Variants in GCLC observed in about 807,000 individuals in gnomAD.
The protein encoded by GCLC is glutamate-cysteine ligase catalytic subunit.
Under a neutral mutation model 81.5 loss-of-function variants are expected in GCLC, and 30 were observed. That is an observed-to-expected ratio of 0.37 (90% CI 0.28 to 0.50). The LOEUF is 0.50. Among genes scored for constraint, GCLC ranks in the 20% least tolerant of loss-of-function variants. GCLC has a pLI of 0.96. For missense variants in GCLC, 556 were observed against 777.4 expected, an observed-to-expected ratio of 0.72 and a Z score of 3.39; for synonymous variants, 262 against 273.3, an observed-to-expected ratio of 0.96 and a Z score of 0.41.
chr6:53,514,654 C>A, intron 4 of GCLC, 157 bp from the exon 5 acceptor site: 1 of 710,520 alleles, frequency 1.4e-6, no homozygotes, highest in Non-Finnish European at 2.6e-6. Flanking sequence ...CAAGACACTA[C>A]AAGGGAACTT....
At position 53,517,078 on chromosome 6, in the gene GCLC, A is replaced by AT. The variant is rs1242492685; in HGVS notation, c.447-857_447-856insA. ...GACTAGCTCATATCTTTTAAAAAAA[A>AT]ATTTTTTTTTTTTTTTTTTTTTTTC... On this transcript the variant is annotated intron_variant, in intron 3 of 15. Transcript: ENST00000650454. Among the ~76,000 whole-genome samples, 26 of 105,250 alleles carry AT rather than the reference A, an allele frequency of 2.5e-4. No homozygotes were observed. In the South Asian group the frequency reaches 2.5e-3, roughly 10 times the overall value. The allele number at this position is 105,250 out of a possible 152,430, so 69.0% of individuals were successfully genotyped here.
intron 12 of GCLC, 77 bp downstream of exon 12, chr6:53,505,315 G>A (rs1228669927): frequency 1.4e-6 from 1 of 734,658 alleles, no homozygotes; most frequent in Non-Finnish European, 2.5e-6. Context: ...AAATTAGGTG[G>A]GAAATAAATA....
chr6:53,526,628 C>T (rs1050047884), intron 1 of GCLC, among the ~76,000 whole-genome samples: 6 of 151,876 alleles, frequency 4.0e-5, no homozygotes, highest in Non-Finnish European at 8.8e-5. Context: ...GAAGCCCCAT[C>T]TCTACTAAAA....
intron 1 of GCLC, among the ~76,000 whole-genome samples, chr6:53,540,053 C>A (rs1046951766): frequency 1.3e-5 from 2 of 152,202 alleles, no homozygotes; most frequent in Admixed American, 1.3e-4. Context: ...AATTTACATG[C>A]AATCCAATGC....
At chr6:53,514,755 C>A (rs1263800278) in intron 4 of GCLC, among the ~76,000 whole-genome samples, 1 of 152,166 alleles carries the variant, frequency 6.6e-6, no homozygotes, top group East Asian at 1.9e-4. Flanking sequence ...TCCCAAGGCT[C>A]CCTGTAACTT....
chr6:53,536,298 G>C (rs1005150070), intron 1 of GCLC, among the ~76,000 whole-genome samples: 2 of 152,158 alleles, frequency 1.3e-5, no homozygotes, highest in African/African-American at 2.4e-5. Context: ...CAGCTGCATG[G>C]GATGGCCAGA....
chr6:53,501,619 C>G (rs1198946646), intron 12 of GCLC, among the ~76,000 whole-genome samples: 1 of 152,144 alleles, frequency 6.6e-6, no homozygotes, highest in Non-Finnish European at 1.5e-5. Flanking sequence ...TCTTGATTAC[C>G]AAGTCTCCTC....
At chr6:53,537,648 C>A (rs1763278590) in intron 1 of GCLC, among the ~76,000 whole-genome samples, 1 of 141,886 alleles carries the variant, frequency 7.0e-6, no homozygotes, top group Admixed American at 6.8e-5. Flanking sequence ...TACATAAATA[C>A]ATAATATTAA....
At chr6:53,544,391 TG>T in intron 1 of GCLC, 104 bp downstream of exon 1, 1 of 1,225,338 alleles carries the variant, frequency 8.2e-7, no homozygotes, top group Non-Finnish European at 1.2e-6. Flanking sequence ...CCGGGCGCAG[TG>T]GAGAACGCGG....
At chr6:53,532,342 T>C (rs1226833182) in intron 1 of GCLC, among the ~76,000 whole-genome samples, 2 of 152,236 alleles carry the variant, frequency 1.3e-5, no homozygotes, top group East Asian at 1.9e-4. Context: ...TGAGCTGAGA[T>C]ACTAAATGAC....
rs1396531610 is a variant in GCLC at position 53,544,853 on chromosome 6, G to A, written c.-208C>T. 3 of 428,534 alleles carry A rather than the reference G, an allele frequency of 7.0e-6. No homozygotes were observed. The highest frequency in any genetic ancestry group is 4.2e-5 in the African/African-American group (2 of 47,468). The allele number at this position is 428,534 out of a possible 1,614,324, so 26.5% of individuals were successfully genotyped here. On this transcript the variant is annotated 5_prime_UTR_variant, in exon 1 of 16. Transcript: ENST00000650454. ...CGCCCAGGTGACAGACCCTGGGTCCGACGCACCGCGCGGAGGCGAAGGCAG... is the reference window on the plus strand; with the variant it reads ...CGCCCAGGTGACAGACCCTGGGTCCAACGCACCGCGCGGAGGCGAAGGCAG...
chr6:53,538,313 G>C (rs2127630895), intron 1 of GCLC, among the ~76,000 whole-genome samples: 1 of 147,842 alleles, frequency 6.8e-6, no homozygotes, highest in Admixed American at 7.0e-5. Flanking sequence ...CACCATGCCT[G>C]GCAAGCTATG....
rs567129272 is a variant in GCLC at position 53,505,089 on chromosome 6, C to T, written c.1395+303G>A. On this transcript the variant is annotated intron_variant, in intron 12 of 15. Transcript: ENST00000650454. Reference sequence around the variant, plus strand: ...TCAGTTCTACTGAGGAGACTTTTACCGGCATTCCAGCAGTTACACTTTCCC... The same window carrying T: ...TCAGTTCTACTGAGGAGACTTTTACTGGCATTCCAGCAGTTACACTTTCCC... Among the ~76,000 whole-genome samples, 12 of 152,242 alleles carry T rather than the reference C, an allele frequency of 7.9e-5. No homozygotes were observed. The South Asian group carries it at 2.1e-3, about 26-fold the overall frequency.
chr6:53,536,328 G>A (rs1461674679), intron 1 of GCLC, among the ~76,000 whole-genome samples: 1 of 152,194 alleles, frequency 6.6e-6, no homozygotes, highest in Non-Finnish European at 1.5e-5. Context: ...TACCAAAGGG[G>A]CATGATGACA....
At chr6:53,511,360 T>C (rs1422365632) in intron 6 of GCLC, among the ~76,000 whole-genome samples, 4 of 152,202 alleles carry the variant, frequency 2.6e-5, no homozygotes, top group Non-Finnish European at 4.4e-5. Context: ...TAAAGAATTA[T>C]TTTGAACATG....
chr6:53,541,851 G>A (rs1263150389), intron 1 of GCLC, among the ~76,000 whole-genome samples: 2 of 152,108 alleles, frequency 1.3e-5, no homozygotes, highest in Non-Finnish European at 2.9e-5. Context: ...ACATTTTAAG[G>A]TAAGAGCAGT....
intron 1 of GCLC, among the ~76,000 whole-genome samples, chr6:53,533,174 G>T (rs1763200905): frequency 6.6e-6 from 1 of 152,202 alleles, no homozygotes; most frequent in Non-Finnish European, 1.5e-5. Context: ...TAGCCACACA[G>T]ATATTACCAA....
intron 3 of GCLC, among the ~76,000 whole-genome samples, chr6:53,520,319 C>T (rs2127624883): frequency 6.6e-6 from 1 of 152,340 alleles, no homozygotes; most frequent in South Asian, 2.1e-4. Context: ...CACTGCAGAT[C>T]CTCTGATCTG....
intron 1 of GCLC, among the ~76,000 whole-genome samples, chr6:53,532,234 T>G (rs1389339469): frequency 6.6e-6 from 1 of 152,248 alleles, no homozygotes; most frequent in Admixed American, 6.5e-5. Context: ...GGCAGGGCCC[T>G]TGTGGGCATA....
Sources: allele counts gnomAD v4.1 joint callset (sites outside exome capture counted in the v4.1 genomes callset), GRCh38; gene constraint gnomAD v4.1.1; transcripts MANE v1.5; gene names NCBI Gene and HGNC (gene_info 2026-07-23, HGNC 2026-07-21).